Variants in COX18 observed in about 807,000 individuals in gnomAD.
The protein encoded by COX18 is cytochrome c oxidase assembly factor COX18.
COX18 carries 45 observed loss-of-function variants against 38.0 expected under a neutral mutation model. That is an observed-to-expected ratio of 1.18 (90% CI 0.93 to 1.52). The LOEUF (loss-of-function observed/expected upper bound fraction) is 1.52. Among genes scored for constraint, COX18 ranks in the 40% most tolerant of loss-of-function variants. COX18 has a pLI of 0.00. For synonymous variants in COX18, 177 were observed against 169.8 expected (o/e 1.04, Z -0.33); for missense variants, 462 against 423.8 (o/e 1.09, Z -0.79).
In COX18 at chr4:73,065,237, A is replaced by G; in HGVS notation, c.598+13T>C. 1 of 1,601,344 alleles carries G rather than the reference A, an allele frequency of 6.2e-7. No homozygotes were observed. Among genetic ancestry groups the G allele is most frequent in the East Asian group, 2.2e-5 (1 of 44,712 alleles). On this transcript the variant is annotated intron_variant, in intron 3 of 5. Coordinates refer to ENST00000507544, the MANE Select transcript of COX18 (RefSeq NM_001297732.2). ...TTAGAGAACTTCTTTGGGAGAAGAC[A>G]TACAATAATTACCTTCTGAATGTGC... is the stretch of plus-strand genomic sequence containing the variant.
At chr4:73,067,293 A>G (rs71603618) in intron 2 of COX18, among the ~76,000 whole-genome samples, 18,649 of 152,304 alleles carry the variant, frequency 0.12, 1,469 homozygotes, top group Middle Eastern at 0.25. Context: ...TTGTTGACCA[A>G]TATCACAAAA....
intron 4 of COX18, 95 bp from the exon 5 acceptor site, chr4:73,062,015 C>CACAGAG: frequency 2.0e-6 from 1 of 512,476 alleles, no homozygotes; most frequent in Non-Finnish European, 3.4e-6. Flanking sequence ...CACTGGCCTC[C>CACAGAG]ATCTACACTT....
intron 1 of COX18, 85 bp downstream of exon 1, chr4:73,069,232 C>A (rs939665243): frequency 4.4e-5 from 44 of 995,166 alleles, no homozygotes; most frequent in Non-Finnish European, 6.2e-5. Context: ...CAACATCGTG[C>A]GATCGAAAAC....
At position 73,065,242 on chromosome 4, in the gene COX18, A is replaced by G. The variant is rs770725178; in HGVS notation, c.598+8T>C. The G allele has an allele frequency of 1.2e-6, 2 of 1,609,098 alleles. No individual in the cohort carries two copies. Among genetic ancestry groups the G allele is most frequent in the East Asian group, 2.2e-5 (1 of 44,814 alleles). ...GAACTTCTTTGGGAGAAGACATACA[A>G]TAATTACCTTCTGAATGTGCTGCCC... On this transcript the variant is annotated splice_region_variant and intron_variant, in intron 3 of 5. Transcript: ENST00000507544.
At position 73,064,779 on chromosome 4, in the gene COX18, T is replaced by C. The variant is rs750095753; in HGVS notation, c.722A>G (p.Glu241Gly). The C allele has an allele frequency of 1.2e-6, 2 of 1,613,114 alleles. No homozygotes were observed. Among genetic ancestry groups the C allele is most frequent in the Admixed American group, 1.7e-5 (1 of 59,982 alleles). Reference protein sequence around the residue: ...SVGVINLLIVEICALQKIGMS... With the variant: ...SVGVINLLIVGICALQKIGMS... ...CAAATTTCATTTAAAACTACTGACCTCCACTATTAACAAATTGATGACGCC... is the reference window on the plus strand; with the variant it reads ...CAAATTTCATTTAAAACTACTGACCCCCACTATTAACAAATTGATGACGCC... Residue 241 changes from glutamate to glycine, a missense_variant and splice_region_variant, in exon 4 of 6, where the codon GAG becomes GGG. Physicochemically the swap from Glu to Gly is moderately conservative, Grantham distance 98 (BLOSUM62 -2). Coordinates refer to ENST00000507544, the MANE Select transcript of COX18 (RefSeq NM_001297732.2).
At chr4:73,065,712 T>C (rs1006524229) in intron 2 of COX18, among the ~76,000 whole-genome samples, 1 of 152,190 alleles carries the variant, frequency 6.6e-6, no homozygotes, top group Non-Finnish European at 1.5e-5. Context: ...ACTACTGACA[T>C]GGTATAACTA....
intron 1 of COX18, 80 bp downstream of exon 1, chr4:73,069,237 G>T: frequency 9.2e-7 from 1 of 1,090,176 alleles, no homozygotes; most frequent in Non-Finnish European, 1.3e-6. Context: ...TCGTGCGATC[G>T]AAAACCCTGA....
intron 2 of COX18, among the ~76,000 whole-genome samples, 165 bp downstream of exon 2, chr4:73,067,864 A>AAAAAAATATAAATATAT: frequency 5.0e-5 from 1 of 20,026 alleles, no homozygotes; most frequent in Non-Finnish European, 1.5e-4. Flanking sequence ...AAAAAAAAAA[A>AAAAAAATATAAATATAT]ATATATATAT....
At chr4:73,068,928 T>G (rs900144300) in intron 1 of COX18, among the ~76,000 whole-genome samples, 1 of 152,160 alleles carries the variant, frequency 6.6e-6, no homozygotes, top group Non-Finnish European at 1.5e-5. Context: ...CTGGAATACT[T>G]TGGGACGAAA....
At chr4:73,060,327 A>G (rs549163353) in intron 5 of COX18, among the ~76,000 whole-genome samples, 26 of 152,336 alleles carry the variant, frequency 1.7e-4, no homozygotes, top group African/African-American at 5.1e-4. Context: ...GGCGTTCTTC[A>G]GTATATAGCT....
In COX18 at chr4:73,056,159, T is replaced by C. The variant is rs1719879939; in HGVS notation, c.*1955A>G. The C allele has an allele frequency of 6.6e-6, 1 of 152,218 alleles. No homozygotes were observed. Among genetic ancestry groups the C allele is most frequent in the Admixed American group, 6.5e-5 (1 of 15,282 alleles). 9.4% of individuals were successfully genotyped at this position (152,218 alleles called of 1,614,324 possible). On this transcript the variant is annotated 3_prime_UTR_variant, in exon 6 of 6. Transcript: ENST00000507544. ...GTTTCCCAGAATCAGGTCCATATTT[T>C]AACTAAATGAAAATTATGATTTATA...
At position 73,056,317 on chromosome 4, in the gene COX18, T is replaced by C. The variant is rs983444308; in HGVS notation, c.*1797A>G. ...TTTTTTCTGTATTAAACCTCTATCA[T>C]AGTTTAAGCCTATTAGGGTACTTAA... is the stretch of plus-strand genomic sequence containing the variant. On this transcript the variant is annotated 3_prime_UTR_variant, in exon 6 of 6. Transcript: ENST00000507544. The C allele has an allele frequency of 6.6e-6, 1 of 152,230 alleles. No homozygotes were observed. Among genetic ancestry groups the C allele is most frequent in the Non-Finnish European group, 1.5e-5 (1 of 68,040 alleles). The allele number at this position is 152,230 out of a possible 1,614,324, so 9.4% of individuals were successfully genotyped here.
chr4:73,065,811 T>C (rs990959070), intron 2 of COX18, among the ~76,000 whole-genome samples: 6 of 152,210 alleles, frequency 3.9e-5, no homozygotes, highest in Admixed American at 6.5e-5. Context: ...TCCCTGAATA[T>C]ACCTTTTGGA....
At chr4:73,059,212 T>G (rs1261058044) in intron 5 of COX18, among the ~76,000 whole-genome samples, 1 of 152,226 alleles carries the variant, frequency 6.6e-6, no homozygotes, top group East Asian at 1.9e-4. Flanking sequence ...TTCTTTAGCA[T>G]CAGAAGGTAA....
chr4:73,055,841 A>G lies in COX18; in HGVS notation c.*2273T>C, dbSNP rs1719869266. ...ATCCACAAATAATGAGGATATTTCAATTCCTTCAATGTGGTTGGAAAGCAC... is the reference window on the plus strand; with the variant it reads ...ATCCACAAATAATGAGGATATTTCAGTTCCTTCAATGTGGTTGGAAAGCAC... On this transcript the variant is annotated 3_prime_UTR_variant, in exon 6 of 6. Coordinates refer to ENST00000507544, the MANE Select transcript of COX18 (RefSeq NM_001297732.2). 1 of 152,198 alleles carries G rather than the reference A, an allele frequency of 6.6e-6. No individual in the cohort carries two copies. The highest frequency in any genetic ancestry group is 1.5e-5 in the Non-Finnish European group (1 of 68,028). 9.4% of individuals were successfully genotyped at this position (152,198 alleles called of 1,614,324 possible). A position where few individuals can be genotyped will look rare whatever the true frequency, so the allele number is the denominator to read the frequency against.
At position 73,058,024 on chromosome 4, in the gene COX18, A is replaced by G; in HGVS notation, c.*90T>C. ...CATGAAGTTAATGATTTTAAATAAAAGGAAATCAAGTAACATCTGAATTTC... is the reference window on the plus strand; with the variant it reads ...CATGAAGTTAATGATTTTAAATAAAGGGAAATCAAGTAACATCTGAATTTC... On this transcript the variant is annotated 3_prime_UTR_variant, in exon 6 of 6. Transcript: ENST00000507544. The G allele has an allele frequency of 1.1e-6, 1 of 922,020 alleles. No homozygotes were observed. 57.1% of individuals were successfully genotyped at this position (922,020 alleles called of 1,614,324 possible). A position where few individuals can be genotyped will look rare whatever the true frequency, so the allele number is the denominator to read the frequency against.
At chr4:73,065,052 A>G (rs1196309648) in intron 3 of COX18, 150 bp from the exon 4 acceptor site, 2 of 981,738 alleles carry the variant, frequency 2.0e-6, no homozygotes, top group Non-Finnish European at 3.0e-6. Context: ...CACGCACAAT[A>G]TATATATTTT....
At chr4:73,066,474 G>A (rs1018391636) in intron 2 of COX18, among the ~76,000 whole-genome samples, 3 of 152,140 alleles carry the variant, frequency 2.0e-5, no homozygotes, top group African/African-American at 4.8e-5. Flanking sequence ...GATTGCTTGA[G>A]GCCAGGAGTT....
At position 73,064,710 on chromosome 4, in the gene COX18, T is replaced by C. The variant is rs77805746; in HGVS notation, c.723+68A>G. 3.8e-6 allele frequency: 6 copies of C among 1,563,872 alleles called. No homozygotes were observed. In the South Asian group the frequency reaches 4.5e-5, roughly 12 times the overall value. On this transcript the variant is annotated intron_variant, in intron 4 of 5. Coordinates refer to ENST00000507544, the MANE Select transcript of COX18 (RefSeq NM_001297732.2). Reference sequence around the variant, plus strand: ...TTCACCAACTCAAACAAAAACAGATTTGAAGTCAAAACAGCAGCAACAAAA... The same window carrying C: ...TTCACCAACTCAAACAAAAACAGATCTGAAGTCAAAACAGCAGCAACAAAA...
Sources: gnomAD v4.1 joint callset for allele counts (sites outside exome capture counted in the v4.1 genomes callset) on GRCh38, gnomAD v4.1.1 for gene constraint, MANE v1.5 for transcripts, NCBI Gene and HGNC (gene_info 2026-07-23, HGNC 2026-07-21) for gene names.